The following CALML6 variants were observed in gnomAD, a reference collection of about 807,000 sequenced individuals.
CALML6 encodes calmodulin like 6.
Under a neutral mutation model 25.0 loss-of-function variants are expected in CALML6, and 27 were observed. The observed-to-expected ratio is 1.08, with a 90% CI of 0.80 to 1.49. CALML6 has a LOEUF of 1.49. Ranked by LOEUF, CALML6 falls within the 40% of genes most tolerant of loss-of-function variation. The pLI is 0.00. For missense variants in CALML6, 239 were observed against 232.7 expected (o/e 1.03, Z -0.18); for synonymous variants, 97 against 87.2 (o/e 1.11, Z -0.63).
In CALML6 at chr1:1,916,916, C is replaced by CGGGGGTGGGGGGG; in HGVS notation, c.398+23_398+24insGGTGGGGGGGGGG. 3 of 349,036 alleles carry CGGGGGTGGGGGGG rather than the reference C, an allele frequency of 8.6e-6. No individual in the cohort carries two copies. Among genetic ancestry groups the CGGGGGTGGGGGGG allele is most frequent in the South Asian group, 6.3e-5 (2 of 31,814 alleles). The allele number at this position is 349,036 out of a possible 1,614,324, so 21.6% of individuals were successfully genotyped here. A position where few individuals can be genotyped will look rare whatever the true frequency, so the allele number is the denominator to read the frequency against. On this transcript the variant is annotated intron_variant, in intron 4 of 5. Coordinates refer to ENST00000307786, the MANE Select transcript of CALML6 (RefSeq NM_138705.4). ...ACTCAAGTAGGGCCCGGGTTGGGGG[C>CGGGGGTGGGGGGG]GGGTGGTGGGCGGGCACGGGCAGGG...
Position 1,916,846 on chromosome 1 carries a change from C to G in CALML6, c.348C>G (p.Phe116Leu), listed in dbSNP as rs1446212611. Residue 116 changes from phenylalanine (F) to leucine (L), a missense_variant, in exon 4 of 6, where the codon TTC (phenylalanine) becomes TTG (leucine). Phe to Leu is a conservative substitution (Grantham distance 22, BLOSUM62 0). This residue lies in a region of CALML6 where 231 missense variants were observed against 210.9 expected (regional missense o/e 1.10). Transcript: ENST00000307786. Reference protein sequence around the residue: ...QNQESELRAAFRVFDKEGKGY... With the variant: ...QNQESELRAALRVFDKEGKGY... ...AGGAGAGCGAGCTGAGGGCGGCATT[C>G]CGTGTCTTTGACAAAGAGGGCAAGG... is the stretch of plus-strand genomic sequence containing the variant. 6.2e-7 allele frequency: 1 copy of G among 1,605,452 alleles called. No individual in the cohort carries two copies. The highest frequency in any genetic ancestry group is 8.5e-7 in the Non-Finnish European group (1 of 1,176,374).
In CALML6 at chr1:1,917,265, C is replaced by T. The variant is rs1384751389; in HGVS notation, c.*72C>T. 3.0e-5 allele frequency: 44 copies of T among 1,457,080 alleles called. No individual in the cohort carries two copies. The highest frequency in any genetic ancestry group is 1.5e-4 in the African/African-American group (11 of 71,270). The allele number at this position is 1,457,080 out of a possible 1,614,324, so 90.3% of individuals were successfully genotyped here. ...CCCTGCCCCCTGGCCCCCACTCCCC[C>T]GGCTCCGTGTAAAATAAATGTTCCA... On this transcript the variant is annotated 3_prime_UTR_variant, in exon 6 of 6. Coordinates refer to ENST00000307786, the MANE Select transcript of CALML6 (RefSeq NM_138705.4).
At chr1:1,915,648 C>G (rs748513961) in intron 1 of CALML6, 37 bp from the exon 2 acceptor site, 1 of 1,610,068 alleles carries the variant, frequency 6.2e-7, no homozygotes, top group Non-Finnish European at 8.5e-7. Context: ...CCAGCTAAAA[C>G]TCAGCTGCCA....
intron 1 of CALML6, 105 bp downstream of exon 1, chr1:1,915,412 C>T (rs894618116): frequency 2.1e-5 from 32 of 1,519,610 alleles, no homozygotes; most frequent in South Asian, 7.4e-5. Context: ...GGGAACAGCA[C>T]GGGGAACAGC....
intron 1 of CALML6, 156 bp downstream of exon 1, chr1:1,915,463 C>T (rs1570790958): frequency 7.0e-7 from 1 of 1,421,572 alleles, no homozygotes; most frequent in Non-Finnish European, 9.4e-7. Context: ...TTTCCTGGCC[C>T]CCGCACTTAG....
At chr1:1,915,519 G>A (rs925324585) in intron 1 of CALML6, 166 bp from the exon 2 acceptor site, 12 of 1,216,736 alleles carry the variant, frequency 9.9e-6, no homozygotes, top group South Asian at 2.9e-5. Context: ...AGGCCAAAGC[G>A]GGCCGGGAAG....
rs1175309433 is a variant in CALML6, at chr1:1,916,592, T to C, written c.230T>C (p.Met77Thr). 2 of 1,606,286 alleles carry C rather than the reference T, an allele frequency of 1.2e-6. No homozygotes were observed. The highest frequency in any genetic ancestry group is 1.4e-5 in the African/African-American group (1 of 73,760). ...INPTKSELAS[M>T]AKDVDRDNKG... ...CCCACCAAGAGTGAGCTGGCCTCAA[T>C]GGCCAAGGATGTGGACAGAGACAGT... The change falls in exon 3 of 6, where the codon ATG (methionine) becomes ACG (threonine). Residue 77 changes from methionine to threonine, a missense_variant. By Grantham distance (81) the Met-to-Thr change is moderately conservative. Coordinates refer to ENST00000307786, the MANE Select transcript of CALML6 (RefSeq NM_138705.4).
intron 3 of CALML6, 44 bp downstream of exon 3, chr1:1,916,659 C>T: frequency 6.2e-7 from 1 of 1,603,594 alleles, no homozygotes; most frequent in South Asian, 1.1e-5. Flanking sequence ...CGGGGGGGCC[C>T]TGGGTCAGGT....
chr1:1,917,143 C>T lies in CALML6; in HGVS notation c.500-4C>T. The T allele has an allele frequency of 6.2e-7, 1 of 1,608,796 alleles. No individual in the cohort carries two copies. Among genetic ancestry groups the T allele is most frequent in the Non-Finnish European group, 8.5e-7 (1 of 1,178,508 alleles). The stretch of plus-strand genomic sequence containing the variant: ...AAGCTGCTGACCTGCCCCTCTGTTC[C>T]CAGAGTTTGTGGCCATGATGACGGG... On this transcript the variant is annotated splice_polypyrimidine_tract_variant and splice_region_variant and intron_variant, in intron 5 of 5. Transcript: ENST00000307786.
chr1:1,915,663 T>A (rs747173332), intron 1 of CALML6, 22 bp from the exon 2 acceptor site: 1 of 1,612,626 alleles, frequency 6.2e-7, no homozygotes, highest in Non-Finnish European at 8.5e-7. Context: ...CTGCCACCAC[T>A]GCCCCAGCAC....
chr1:1,916,920 T>TGTGGGGGGGG, intron 4 of CALML6, 24 bp downstream of exon 4: 1 of 359,420 alleles, frequency 2.8e-6, no homozygotes, highest in Non-Finnish European at 4.4e-6. Flanking sequence ...TGGGGGCGGG[T>TGTGGGGGGGG]GGTGGGCGGG....
chr1:1,916,996 G>A lies in CALML6; in HGVS notation c.421G>A (p.Glu141Lys). The A allele has an allele frequency of 6.2e-7, 1 of 1,610,190 alleles. No individual in the cohort carries two copies. The highest frequency in any genetic ancestry group is 8.5e-7 in the Non-Finnish European group (1 of 1,177,736). The change falls in exon 5 of 6, where the codon GAG (glutamate) becomes AAG (lysine). Residue 141 changes from glutamate to lysine, a missense_variant. Physicochemically the swap from Glu to Lys is moderately conservative, Grantham distance 56. Around this residue, in one of 2 missense-constraint regions of CALML6, gnomAD observed 231 missense variants for 210.9 expected, o/e 1.10. Coordinates refer to ENST00000307786, the MANE Select transcript of CALML6 (RefSeq NM_138705.4). ...TAGGTACGTGCTAATGAACGCAGGG[G>A]AGCCCCTCAACGAGGTGGAGGCGGA... Reference protein sequence around the residue: ...TLKYVLMNAGEPLNEVEAEQM... With the variant: ...TLKYVLMNAGKPLNEVEAEQM...
At chr1:1,916,061 C>T (rs1350252860) in intron 2 of CALML6, 4 of 456,556 alleles carry the variant, frequency 8.8e-6, no homozygotes, top group Non-Finnish European at 1.6e-5. Context: ...GGCTGGAAGC[C>T]TTTCCCGGGC....
At position 1,917,074 on chromosome 1, in the gene CALML6, G is replaced by A. The variant is rs1253548674; in HGVS notation, c.499G>A (p.Glu167Lys). 1.7e-5 allele frequency: 28 copies of A among 1,610,676 alleles called. No homozygotes were observed. The highest frequency in any genetic ancestry group is 2.4e-5 in the Non-Finnish European group (28 of 1,178,882). ...KDGDRTIDYE[E>K]FVAMMTGESF... ...TGGGGACAGGACCATCGACTATGAG[G>A]GTGAGTGGCCTGGAGCCCTGGGAGC... The change falls in exon 5 of 6, where the codon GAG (glutamate) becomes AAG (lysine). Residue 167 changes from glutamate (E) to lysine (K), a missense_variant and splice_region_variant. Physicochemically the swap from Glu to Lys is moderately conservative, Grantham distance 56 (BLOSUM62 1). Around this residue, in one of 2 missense-constraint regions of CALML6, gnomAD observed 231 missense variants for 210.9 expected, o/e 1.10. Coordinates refer to ENST00000307786, the MANE Select transcript of CALML6 (RefSeq NM_138705.4).
chr1:1,916,844 T>C lies in CALML6; in HGVS notation c.346T>C (p.Phe116Leu), dbSNP rs1651140609. The stretch of plus-strand genomic sequence containing the variant: ...CCAGGAGAGCGAGCTGAGGGCGGCA[T>C]TCCGTGTCTTTGACAAAGAGGGCAA... ...QNQESELRAA[F>L]RVFDKEGKGY... The change falls in exon 4 of 6, where the codon TTC (phenylalanine) becomes CTC (leucine). Residue 116 changes from phenylalanine to leucine, a missense_variant. By Grantham distance (22) the Phe-to-Leu change is conservative. Coordinates refer to ENST00000307786, the MANE Select transcript of CALML6 (RefSeq NM_138705.4). The C allele has an allele frequency of 1.2e-6, 2 of 1,612,104 alleles. No homozygotes were observed. The highest frequency in any genetic ancestry group is 1.1e-5 in the South Asian group (1 of 91,030).
rs542296656 is a variant in CALML6 at position 1,917,213 on chromosome 1, G to T, written c.*20G>T. On this transcript the variant is annotated 3_prime_UTR_variant, in exon 6 of 6. Transcript: ENST00000307786. Reference sequence around the variant, plus strand: ...CAGTAGGTGCAGCTGCCGCAGCCGGGGGAGGCCTGCCCGGGAAGGCTGCTG... The same window carrying T: ...CAGTAGGTGCAGCTGCCGCAGCCGGTGGAGGCCTGCCCGGGAAGGCTGCTG... 298 of 1,582,322 alleles carry T rather than the reference G, an allele frequency of 1.9e-4. 2 individuals carry two copies. In the South Asian group the frequency reaches 3.3e-3, roughly 17 times the overall value.
At chr1:1,916,944 GA>G in intron 4 of CALML6, 29 bp from the exon 5 acceptor site, 1 of 1,611,398 alleles carries the variant, frequency 6.2e-7, no homozygotes, top group African/African-American at 1.3e-5. Flanking sequence ...GGGCAGGGCC[GA>G]TGGAGTGGCT....
Position 1,915,692 on chromosome 1 carries a change from G to A in CALML6, c.35G>A (p.Trp12Ter), listed in dbSNP as rs1344289323. The A allele has an allele frequency of 4.2e-5, 68 of 1,613,228 alleles. No individual in the cohort carries two copies. The highest frequency in any genetic ancestry group is 5.5e-5 in the Non-Finnish European group (65 of 1,179,964). Residue 12 changes from tryptophan (W) to a stop codon, truncating the protein, a stop_gained, in exon 2 of 6, where the codon TGG (tryptophan) becomes TAG (stop). Coordinates refer to ENST00000307786, the MANE Select transcript of CALML6 (RefSeq NM_138705.4). LOFTEE classifies it high-confidence loss of function. ...GLQQEISLQP[W>*]CHHPAESCQT... Reference sequence around the variant, plus strand: ...CCAGCACTCTGCCCACAGCAGCCCTGGTGTCACCACCCTGCAGAATCCTGT... The same window carrying A: ...CCAGCACTCTGCCCACAGCAGCCCTAGTGTCACCACCCTGCAGAATCCTGT...
At chr1:1,915,895 C>T (rs182227759) in intron 2 of CALML6, 160 bp downstream of exon 2, 27 of 716,266 alleles carry the variant, frequency 3.8e-5, no homozygotes, top group African/African-American at 2.8e-4. Flanking sequence ...GCCCTTGTTC[C>T]GGGGCCAGGG....
Sources: gnomAD v4.1 joint callset for allele counts on GRCh38, gnomAD v4.1.1 for gene constraint, gnomAD v4.1.1 regional missense constraint, MANE v1.5 for transcripts, NCBI Gene and HGNC (gene_info 2026-07-23, HGNC 2026-07-21) for gene names.